QTGAL: variants seen among roughly 807,000 people sequenced by gnomAD.
The protein encoded by QTGAL is BGnT-like protein 1.
chr17:82,961,389 A>T, the QTGAL span: 12 of 172,422 alleles, frequency 7.0e-5, no homozygotes, highest in East Asian at 4.4e-4. Context: ...GGCGGGAAAG[A>T]GGGGAAGGGA....
the QTGAL span, among the ~76,000 whole-genome samples, chr17:82,977,887 C>G: frequency 2.0e-5 from 3 of 152,186 alleles, no homozygotes; most frequent in Non-Finnish European, 4.4e-5. Flanking sequence ...TCTGTCTTCT[C>G]ATCACCGGGG....
At chr17:83,028,499 T>C in the QTGAL span, among the ~76,000 whole-genome samples, 1 of 127,364 alleles carries the variant, frequency 7.9e-6, no homozygotes, top group East Asian at 2.2e-4. Flanking sequence ...CACTCCAGCC[T>C]GGGCGACAGC....
At chr17:82,957,499 G>A in the QTGAL span, 15 of 1,598,140 alleles carry the variant, frequency 9.4e-6, no homozygotes, top group East Asian at 4.5e-5. Context: ...GTCGTCCTGC[G>A]GTGGAGAAGA....
chr17:83,029,568 C>CA, the QTGAL span, among the ~76,000 whole-genome samples: 11 of 152,126 alleles, frequency 7.2e-5, no homozygotes, highest in African/African-American at 2.6e-4. Flanking sequence ...ACGATGAAAA[C>CA]AAAAAATACA....
chr17:82,986,145 C>CA, the QTGAL span, among the ~76,000 whole-genome samples: 3 of 152,262 alleles, frequency 2.0e-5, no homozygotes, highest in Non-Finnish European at 4.4e-5. Context: ...CAGGAAGCTG[C>CA]ACCAGACACT....
the QTGAL span, chr17:83,006,883 A>C: frequency 1.1e-6 from 1 of 919,860 alleles, no homozygotes; most frequent in South Asian, 5.0e-5. This position sits in a 1 kb window ranked among gnomAD's most constrained non-coding sequence, Gnocchi z 5.8. Flanking sequence ...GAACAGTTAC[A>C]TGTTTAGTTT....
the QTGAL span, chr17:82,949,515 G>A: frequency 6.6e-6 from 1 of 152,198 alleles, no homozygotes; most frequent in African/African-American, 2.4e-5. Flanking sequence ...CCGCCAAACG[G>A]AATTGCAGGG....
At chr17:82,963,926 A>T in the QTGAL span, among the ~76,000 whole-genome samples, 1 of 151,748 alleles carries the variant, frequency 6.6e-6, no homozygotes, top group African/African-American at 2.4e-5. Context: ...TTTTATATAA[A>T]ATTGGATCGA....
the QTGAL span, chr17:82,965,603 G>A: frequency 3.3e-6 from 5 of 1,509,716 alleles, no homozygotes; most frequent in African/African-American, 4.1e-5. Context: ...CACAGAGACA[G>A]GGCCCCGAAC....
the QTGAL span, chr17:83,005,849 C>T: frequency 9.4e-5 from 127 of 1,345,660 alleles, no homozygotes; most frequent in Admixed American, 2.7e-4. The surrounding 1 kb of genome is among the most constrained non-coding windows in gnomAD (Gnocchi z 5.6). Context: ...ACCCTTCCCC[C>T]GCCCTCCGCC....
At chr17:83,030,515 G>C in the QTGAL span, among the ~76,000 whole-genome samples, 2 of 152,214 alleles carry the variant, frequency 1.3e-5, no homozygotes, top group Non-Finnish European at 2.9e-5. Context: ...GGTTCTAGAC[G>C]GCACTGCTGC....
the QTGAL span, among the ~76,000 whole-genome samples, chr17:83,039,583 C>T: frequency 7.1e-6 from 1 of 140,324 alleles, no homozygotes; most frequent in African/African-American, 2.6e-5. Context: ...AGACACACTG[C>T]TGGGCGCCCA....
At chr17:82,951,878 T>C in the QTGAL span, among the ~76,000 whole-genome samples, 1 of 151,856 alleles carries the variant, frequency 6.6e-6, no homozygotes, top group Admixed American at 6.5e-5. Context: ...CACTGATTCA[T>C]ATGGGCGCCC....
chr17:83,031,361 C>T, the QTGAL span, among the ~76,000 whole-genome samples: 2 of 151,090 alleles, frequency 1.3e-5, no homozygotes, highest in Non-Finnish European at 1.5e-5. Flanking sequence ...ACCAGAGTCA[C>T]GTTTTCCAGC....
At chr17:83,035,458 C>T in the QTGAL span, among the ~76,000 whole-genome samples, 7 of 152,172 alleles carry the variant, frequency 4.6e-5, no homozygotes, top group Admixed American at 2.0e-4. Context: ...TGTGAGCCAC[C>T]GCACCCGCCC....
chr17:83,034,959 C>T, the QTGAL span: 104 of 1,271,850 alleles, frequency 8.2e-5, no homozygotes, highest in African/African-American at 1.5e-3. Flanking sequence ...AAGAACCGCA[C>T]TAAAATGTAA....
the QTGAL span, among the ~76,000 whole-genome samples, chr17:83,045,467 G>A: frequency 6.6e-6 from 1 of 152,178 alleles, no homozygotes; most frequent in Non-Finnish European, 1.5e-5. Context: ...AGAGCTACAA[G>A]TATAATTCTG....
At chr17:83,046,914 T>C in the QTGAL span, among the ~76,000 whole-genome samples, 1 of 152,192 alleles carries the variant, frequency 6.6e-6, no homozygotes, top group Non-Finnish European at 1.5e-5. Context: ...GCACGATACA[T>C]GCCACAGCAC....
chr17:83,023,436 C>T, the QTGAL span, among the ~76,000 whole-genome samples: 2 of 152,272 alleles, frequency 1.3e-5, no homozygotes, highest in African/African-American at 4.8e-5. Flanking sequence ...AGATTCTATA[C>T]AGCTGATACC....
Sources: allele counts gnomAD v4.1 joint callset (sites outside exome capture counted in the v4.1 genomes callset), GRCh38; gene constraint gnomAD v4.1.1; non-coding constraint Gnocchi (gnomAD v3.1); transcripts MANE v1.5; gene names NCBI Gene and HGNC (gene_info 2026-07-23, HGNC 2026-07-21).